OTOGL: variants seen among roughly 807,000 people sequenced by gnomAD.
OTOGL encodes otogelin-like protein.
Under a neutral mutation model 318.5 loss-of-function variants are expected in OTOGL, and 285 were observed. The ratio of observed to expected loss-of-function variants is 0.89; its 90% CI spans 0.81 to 0.99. The LOEUF is 0.99. Among genes scored for constraint, OTOGL ranks in the 50% least tolerant of loss-of-function variants. OTOGL has a pLI of 0.00. For synonymous variants in OTOGL, 987 were observed against 936.5 expected (o/e 1.05, Z -0.99); for missense variants, 2,899 against 2,845.6 (o/e 1.02, Z -0.43).
At chr12:80,117,083 A>G (rs1175440189) in intron 1 of OTOGL, among the ~76,000 whole-genome samples, 2 of 152,162 alleles carry the variant, frequency 1.3e-5, no homozygotes, top group Non-Finnish European at 2.9e-5. Context: ...GGAGTTGGTC[A>G]TCAAAGTGAA....
At chr12:80,136,547 C>G (rs1871583354) in intron 1 of OTOGL, among the ~76,000 whole-genome samples, 1 of 152,194 alleles carries the variant, frequency 6.6e-6, no homozygotes, top group Non-Finnish European at 1.5e-5. Flanking sequence ...GTTTCTAGTT[C>G]TCTCTGTTCT....
At chr12:80,334,342 A>G (rs1040796655) in intron 38 of OTOGL, among the ~76,000 whole-genome samples, 1 of 152,206 alleles carries the variant, frequency 6.6e-6, no homozygotes, top group East Asian at 1.9e-4. Flanking sequence ...TGGGGAGTGC[A>G]TGTCTGGGAT....
intron 57 of OTOGL, among the ~76,000 whole-genome samples, chr12:80,376,287 C>T (rs1349433): frequency 0.85 from 129,449 of 152,108 alleles, 55,119 homozygotes; most frequent in South Asian, 0.88. Context: ...ATTAGGATTT[C>T]ATGGCTAAAT....
chr12:80,239,673 C>A (rs944283129), intron 11 of OTOGL, among the ~76,000 whole-genome samples: 1 of 152,012 alleles, frequency 6.6e-6, no homozygotes. Flanking sequence ...TTAATACATT[C>A]GTGTAATCAA....
chr12:80,188,907 T>C (rs1396773549), intron 1 of OTOGL, among the ~76,000 whole-genome samples: 1 of 152,234 alleles, frequency 6.6e-6, no homozygotes, highest in African/African-American at 2.4e-5. Flanking sequence ...AAGGATTTTA[T>C]AATTTATAAT....
At chr12:80,267,545 C>T (rs1325981735) in intron 22 of OTOGL, among the ~76,000 whole-genome samples, 3 of 140,932 alleles carry the variant, frequency 2.1e-5, no homozygotes, top group Non-Finnish European at 3.1e-5. Flanking sequence ...TCTCCTAATG[C>T]TATCCCTCCC....
At chr12:80,274,481 G>A (rs1213760562) in intron 24 of OTOGL, among the ~76,000 whole-genome samples, 4 of 151,960 alleles carry the variant, frequency 2.6e-5, no homozygotes, top group African/African-American at 9.7e-5. Context: ...AGCCAGCAGA[G>A]GTTGGCTTAT....
chr12:80,124,519 G>A (rs1372356213), intron 1 of OTOGL, among the ~76,000 whole-genome samples: 2 of 152,166 alleles, frequency 1.3e-5, no homozygotes, highest in East Asian at 3.9e-4. Context: ...TTGGTGATGT[G>A]GGCTCTTTTT....
chr12:80,207,998 AC>A (rs1876939699), intron 1 of OTOGL, among the ~76,000 whole-genome samples: 13 of 152,132 alleles, frequency 8.5e-5, no homozygotes, highest in Admixed American at 8.5e-4. Context: ...AATATTAAAC[AC>A]ATACTGTACT....
chr12:80,241,487 G>A (rs1272684757), intron 11 of OTOGL, among the ~76,000 whole-genome samples: 1 of 151,780 alleles, frequency 6.6e-6, no homozygotes, highest in African/African-American at 2.4e-5. Flanking sequence ...TTTTAAGGAT[G>A]GCTGTAGGTA....
chr12:80,353,475 C>T lies in OTOGL; in HGVS notation c.5558C>T (p.Pro1853Leu). Residue 1853 changes from proline (P) to leucine (L), a missense_variant, in exon 46 of 59, where the codon CCA (proline) becomes CTA (leucine). This residue lies in a region of OTOGL where 2,607 missense variants were observed against 2,524.9 expected (regional missense o/e 1.03). Coordinates refer to ENST00000547103, the MANE Select transcript of OTOGL (RefSeq NM_001378609.3). ...AAAGTTGGAACTATTCTTCACAGGC[C>T]ACATTCAGCCCAGTGCATTCCAGAG... ...VCKVGTILHRPHSAQCIPEKE... is the reference protein window; with the variant it reads ...VCKVGTILHRLHSAQCIPEKE... 3 of 1,598,610 alleles carry T rather than the reference C, an allele frequency of 1.9e-6. No homozygotes were observed. Among genetic ancestry groups the T allele is most frequent in the Non-Finnish European group, 2.6e-6 (3 of 1,171,950 alleles).
chr12:80,358,632 T>C (rs113215486), intron 50 of OTOGL, 39 bp from the exon 51 acceptor site: 1 of 1,477,912 alleles, frequency 6.8e-7, no homozygotes, highest in Non-Finnish European at 9.4e-7. Context: ...ATGGCAACTC[T>C]ATAAAATTCA....
chr12:80,140,951 T>A (rs1871895563), intron 1 of OTOGL, among the ~76,000 whole-genome samples: 1 of 152,136 alleles, frequency 6.6e-6, no homozygotes, highest in South Asian at 2.1e-4. Context: ...TCAACTAACT[T>A]ACCAAATATA....
intron 30 of OTOGL, among the ~76,000 whole-genome samples, chr12:80,312,648 T>C (rs1886708699): frequency 6.6e-6 from 1 of 151,976 alleles, no homozygotes; most frequent in African/African-American, 2.4e-5. Flanking sequence ...CTTTTCAGAG[T>C]TTCCAAGGAC....
intron 37 of OTOGL, among the ~76,000 whole-genome samples, chr12:80,331,688 G>C (rs1256050987): frequency 2.0e-5 from 3 of 152,022 alleles, no homozygotes; most frequent in Non-Finnish European, 4.4e-5. Context: ...CTGAATAATG[G>C]TCCTCCAAAG....
chr12:80,159,442 C>T (rs934805432), intron 1 of OTOGL, among the ~76,000 whole-genome samples: 2 of 152,088 alleles, frequency 1.3e-5, no homozygotes, highest in African/African-American at 4.8e-5. Context: ...TAGAATTCAG[C>T]TGTGAATATG....
chr12:80,257,716 C>T (rs1882181532), intron 17 of OTOGL, 109 bp from the exon 18 acceptor site: 5 of 1,113,968 alleles, frequency 4.5e-6, no homozygotes, highest in Admixed American at 6.7e-5. Context: ...TAGCCTGCCT[C>T]TCCTCCTTCC....
Position 80,254,543 on chromosome 12 carries a change from T to C in OTOGL, c.1414T>C (p.Trp472Arg). 1 of 1,608,562 alleles carries C rather than the reference T, an allele frequency of 6.2e-7. No individual in the cohort carries two copies. Among genetic ancestry groups the C allele is most frequent in the South Asian group, 1.1e-5 (1 of 90,452 alleles). ...CTECVCVGGV[W>R]NCTEQDCPVQ... is the part of the protein sequence containing the mutation. ...TTTTAGTGTGTGTGTTGGTGGAGTT[T>C]GGAACTGCACTGAGCAAGACTGTCC... Residue 472 changes from tryptophan to arginine, a missense_variant, in exon 15 of 59, where the codon TGG becomes CGG. Trp to Arg is a moderately radical substitution (Grantham distance 101, BLOSUM62 -3). Transcript: ENST00000547103.
At chr12:80,308,072 C>T (rs1244767377) in intron 29 of OTOGL, among the ~76,000 whole-genome samples, 4 of 138,814 alleles carry the variant, frequency 2.9e-5, no homozygotes, top group Admixed American at 2.1e-4. Context: ...CCCTCCCGGA[C>T]GGGGCGGCTG....
Sources: allele counts gnomAD v4.1 joint callset (sites outside exome capture counted in the v4.1 genomes callset), GRCh38; gene constraint gnomAD v4.1.1; regional missense constraint gnomAD v4.1.1; transcripts MANE v1.5; gene names NCBI Gene and HGNC (gene_info 2026-07-23, HGNC 2026-07-21).